TYW3: variants seen among roughly 807,000 people sequenced by gnomAD.
TYW3 encodes tRNA wybutosine-synthesizing protein 3 homolog.
A neutral mutation model predicts 23.1 loss-of-function variants in TYW3; 26 were observed. The ratio of observed to expected loss-of-function variants is 1.13; its 90% CI spans 0.83 to 1.56. TYW3 has a LOEUF of 1.56. Among genes scored for constraint, TYW3 ranks in the 40% most tolerant of loss-of-function variants. The pLI is 0.00. For missense variants in TYW3, 316 were observed against 311.9 expected, an observed-to-expected ratio of 1.01 and a Z score of -0.10; for synonymous variants, 102 against 105.7, an observed-to-expected ratio of 0.97 and a Z score of 0.21.
At chr1:74,752,514 C>A in intron 5 of TYW3, 89 bp downstream of exon 5, 1 of 1,114,162 alleles carries the variant, frequency 9.0e-7, no homozygotes, top group Non-Finnish European at 1.3e-6. Context: ...TTTATAATGC[C>A]AACTGCTTAT....
At chr1:74,744,132 G>C (rs767757513) in intron 3 of TYW3, among the ~76,000 whole-genome samples, 6 of 152,142 alleles carry the variant, frequency 3.9e-5, no homozygotes, top group Non-Finnish European at 7.3e-5. Flanking sequence ...ATCATTAATA[G>C]GAAGGGGAGC....
intron 5 of TYW3, among the ~76,000 whole-genome samples, 188 bp downstream of exon 5, chr1:74,752,613 T>C (rs1648824316): frequency 6.6e-6 from 1 of 152,154 alleles, no homozygotes; most frequent in African/African-American, 2.4e-5. Context: ...CTGGCTGCCA[T>C]GGGCACTAAA....
chr1:74,742,445 C>G (rs1648395750), intron 3 of TYW3, among the ~76,000 whole-genome samples: 1 of 152,096 alleles, frequency 6.6e-6, no homozygotes, highest in Non-Finnish European at 1.5e-5. Context: ...AAAACTATGC[C>G]CCCGTGAAAG....
At chr1:74,760,349 ATTGTT>A (rs1649100269) in intron 5 of TYW3, among the ~76,000 whole-genome samples, 1 of 152,196 alleles carries the variant, frequency 6.6e-6, no homozygotes, top group South Asian at 2.1e-4. Context: ...TCAAAACCAT[ATTGTT>A]CAAGGGTCAA....
intron 5 of TYW3, among the ~76,000 whole-genome samples, chr1:74,754,845 C>G (rs538338515): frequency 2.0e-5 from 3 of 152,116 alleles, no homozygotes; most frequent in Admixed American, 1.3e-4. Flanking sequence ...TTATAAACAG[C>G]TAATTTGGAG....
At chr1:74,748,415 T>C (rs938650660) in intron 3 of TYW3, among the ~76,000 whole-genome samples, 2 of 152,262 alleles carry the variant, frequency 1.3e-5, no homozygotes, top group Non-Finnish European at 2.9e-5. Context: ...GATTTTGTTT[T>C]GTTTATTTTT....
At chr1:74,747,636 CAA>C (rs1213918927) in intron 3 of TYW3, among the ~76,000 whole-genome samples, 8 of 62,712 alleles carry the variant, frequency 1.3e-4, no homozygotes, top group Non-Finnish European at 1.7e-4. Context: ...GACTCCGTCT[CAA>C]AAAAAAAAAA....
chr1:74,744,468 C>G (rs997772567), intron 3 of TYW3, among the ~76,000 whole-genome samples: 2 of 152,018 alleles, frequency 1.3e-5, no homozygotes, highest in Non-Finnish European at 2.9e-5. Flanking sequence ...CAAGGGTGAA[C>G]CTGTTGATGC....
intron 3 of TYW3, among the ~76,000 whole-genome samples, chr1:74,747,352 A>G (rs1352319202): frequency 6.6e-6 from 1 of 152,122 alleles, no homozygotes; most frequent in East Asian, 1.9e-4. Flanking sequence ...AATTAGAAAG[A>G]CCGGGCCAGG....
At chr1:74,741,340 T>C (rs28789132) in intron 3 of TYW3, among the ~76,000 whole-genome samples, 96,605 of 150,404 alleles carry the variant, frequency 0.64, 31,460 homozygotes, top group East Asian at 0.78. Context: ...AGTCCTCCAA[T>C]GGTTCGCAGG....
At chr1:74,754,221 A>G (rs1648878651) in intron 5 of TYW3, among the ~76,000 whole-genome samples, 1 of 152,136 alleles carries the variant, frequency 6.6e-6, no homozygotes, top group Non-Finnish European at 1.5e-5. Flanking sequence ...AATAGAGCCC[A>G]AGATCAACTA....
chr1:74,753,795 C>T (rs561714987), intron 5 of TYW3, among the ~76,000 whole-genome samples: 1 of 152,252 alleles, frequency 6.6e-6, no homozygotes, highest in South Asian at 2.1e-4. Context: ...ACTAGGGTTC[C>T]TCATTTGAAC....
chr1:74,759,974 G>A (rs184014604), intron 5 of TYW3, among the ~76,000 whole-genome samples: 2 of 152,230 alleles, frequency 1.3e-5, no homozygotes, highest in African/African-American at 4.8e-5. Flanking sequence ...AGAAACTTAG[G>A]TACTGATATC....
At chr1:74,734,247 C>A (rs1001639653) in intron 1 of TYW3, 3 of 152,178 alleles carry the variant, frequency 2.0e-5, no homozygotes, top group African/African-American at 7.2e-5. Context: ...CAGCTCCTTC[C>A]AGAATGGAAG....
At chr1:74,755,288 C>T (rs947153846) in intron 5 of TYW3, among the ~76,000 whole-genome samples, 8 of 152,144 alleles carry the variant, frequency 5.3e-5, no homozygotes, top group South Asian at 2.1e-4. Context: ...ATCTCCAGAA[C>T]GTTTTCATCA....
chr1:74,738,107 G>GA (rs113965848), intron 2 of TYW3, among the ~76,000 whole-genome samples: 28,943 of 144,514 alleles, frequency 0.2, 3,849 homozygotes, highest in East Asian at 0.69. Context: ...AGTGAACAGG[G>GA]AAAAAAAAAC....
rs766606068 is a variant in TYW3 at position 74,733,198 on chromosome 1, C to G, written c.-47C>G. 3.4e-5 allele frequency: 55 copies of G among 1,598,610 alleles called. No homozygotes were observed. The highest frequency in any genetic ancestry group is 1.2e-4 in the Admixed American group (7 of 58,134). ...CAATATGGCTGCCCCCAGGGAGAGA[C>G]GAGGCTACCATGAAGGAGCCGAGCG... On this transcript the variant is annotated 5_prime_UTR_variant, in exon 1 of 6. Transcript: ENST00000370867.
chr1:74,761,103 T>C (rs1649123929), intron 5 of TYW3, among the ~76,000 whole-genome samples: 1 of 152,112 alleles, frequency 6.6e-6, no homozygotes, highest in South Asian at 2.1e-4. Flanking sequence ...CTCATTTTGT[T>C]GCCTGTGAGA....
intron 3 of TYW3, among the ~76,000 whole-genome samples, chr1:74,742,673 G>T (rs981754592): frequency 6.6e-6 from 1 of 152,154 alleles, no homozygotes; most frequent in African/African-American, 2.4e-5. Flanking sequence ...TTTTTACACT[G>T]TGTGTAGTAA....
Sources: gnomAD v4.1 joint callset for allele counts (sites outside exome capture counted in the v4.1 genomes callset) on GRCh38, gnomAD v4.1.1 for gene constraint, MANE v1.5 for transcripts, NCBI Gene and HGNC (gene_info 2026-07-23, HGNC 2026-07-21) for gene names.